Variants in CCDC82 observed in about 807,000 individuals in gnomAD.
CCDC82 encodes coiled-coil domain-containing protein 82.
Under a neutral mutation model 60.6 loss-of-function variants are expected in CCDC82, and 47 were observed. The ratio of observed to expected loss-of-function variants is 0.77; its 90% CI spans 0.61 to 0.99. The LOEUF (loss-of-function observed/expected upper bound fraction) is 0.99, where lower values mean the gene tolerates loss of function less well. Ranked by LOEUF, CCDC82 falls within the 50% of genes least tolerant of loss-of-function variation. CCDC82 has a pLI of 0.00. For missense variants in CCDC82, 588 were observed against 633.0 expected (o/e 0.93, Z 0.76); for synonymous variants, 212 against 207.4 (o/e 1.02, Z -0.19).
chr11:96,360,455 A>G (rs1416471603), intron 8 of CCDC82, among the ~76,000 whole-genome samples: 1 of 151,712 alleles, frequency 6.6e-6, no homozygotes, highest in Admixed American at 6.6e-5. Context: ...TCGGCCTCCC[A>G]AAGTGCTGGG....
intron 7 of CCDC82, among the ~76,000 whole-genome samples, chr11:96,367,156 AG>A (rs1179410032): frequency 6.6e-6 from 1 of 152,224 alleles, no homozygotes; most frequent in Admixed American, 6.5e-5. Context: ...AGGCTGGGGT[AG>A]CTGTGGCAAT....
intron 5 of CCDC82, among the ~76,000 whole-genome samples, chr11:96,379,732 TCA>T (rs2136184218): frequency 6.6e-6 from 1 of 152,042 alleles, no homozygotes; most frequent in Non-Finnish European, 1.5e-5. Flanking sequence ...TCTTAATCAT[TCA>T]GTTTTGTTCC....
At chr11:96,372,623 T>TATATATATATAAATATAA (rs199979129) in intron 6 of CCDC82, among the ~76,000 whole-genome samples, 2 of 146,052 alleles carry the variant, frequency 1.4e-5, no homozygotes, top group South Asian at 2.1e-4. Flanking sequence ...GAAATGGGGA[T>TATATATATATAAATATAA]ATATATATAT....
At chr11:96,383,234 C>A (rs1865973350) in intron 5 of CCDC82, 35 bp downstream of exon 5, 1 of 1,153,622 alleles carries the variant, frequency 8.7e-7, no homozygotes, top group African/African-American at 1.5e-5. Context: ...ATCATGAGAA[C>A]AATTCATGAA....
chr11:96,380,495 A>G, intron 5 of CCDC82: 1 of 151,780 alleles, frequency 6.6e-6, no homozygotes, highest in East Asian at 1.9e-4. Context: ...ATTTACCTAA[A>G]TGAGTTGAAA....
At chr11:96,380,377 T>C (rs1865810030) in intron 5 of CCDC82, among the ~76,000 whole-genome samples, 1 of 151,694 alleles carries the variant, frequency 6.6e-6, no homozygotes. Flanking sequence ...AAGCTGTAAT[T>C]AAGAATACAC....
intron 9 of CCDC82, chr11:96,356,468 T>C (rs1221283228): frequency 1.0e-6 from 1 of 985,314 alleles, no homozygotes; most frequent in Admixed American, 6.1e-5. Context: ...CATGCTTTCT[T>C]TACTACCTGG....
chr11:96,366,653 G>A (rs1458630574), intron 7 of CCDC82, among the ~76,000 whole-genome samples: 1 of 152,236 alleles, frequency 6.6e-6, no homozygotes, highest in East Asian at 1.9e-4. Flanking sequence ...AAACTCAGGA[G>A]GCTGAGGTGG....
chr11:96,384,570 TTTCATCACTATCAAGCTC>T lies in CCDC82; in HGVS notation c.160_177del (p.Glu54_Glu59del), dbSNP rs775411743. 2 of 1,613,676 alleles carry T rather than the reference TTTCATCACTATCAAGCTC, an allele frequency of 1.2e-6. No homozygotes were observed. Among genetic ancestry groups the T allele is most frequent in the Admixed American group, 1.7e-5 (1 of 59,976 alleles). The stretch of plus-strand genomic sequence containing the variant: ...TCAAGCTCTTCATCATTTTCAAAAC[TTTCATCACTATCAAGCTC>T]TTCATCACTATCAAATTCTTCACTA... On this transcript the variant is annotated inframe_deletion, in exon 4 of 10. Coordinates refer to ENST00000646818, the MANE Select transcript of CCDC82 (RefSeq NM_024725.4).
intron 9 of CCDC82, chr11:96,358,381 C>A: frequency 8.2e-7 from 1 of 1,222,888 alleles, no homozygotes; most frequent in Non-Finnish European, 1.0e-6. Flanking sequence ...ATCCAGTGCA[C>A]TCTTCAAAAC....
intron 2 of CCDC82, 136 bp from the exon 3 acceptor site, chr11:96,386,429 A>C (rs1866198789): frequency 6.6e-6 from 1 of 152,226 alleles, no homozygotes. Context: ...ATTATACAGC[A>C]GAAATTATAG....
At chr11:96,361,031 A>T (rs1332378170) in intron 8 of CCDC82, among the ~76,000 whole-genome samples, 2 of 152,230 alleles carry the variant, frequency 1.3e-5, no homozygotes, top group South Asian at 2.1e-4. Flanking sequence ...TTTCCAATTC[A>T]ACCTTATCAT....
At chr11:96,372,784 TATG>T (rs10594122) in intron 6 of CCDC82, among the ~76,000 whole-genome samples, 2,922 of 148,076 alleles carry the variant, frequency 0.02, 87 homozygotes, top group African/African-American at 0.069. Flanking sequence ...GCTCCCACAC[TATG>T]ATAAGGGAAG....
In CCDC82 at chr11:96,376,360, C is replaced by T. The variant is rs528037866; in HGVS notation, c.992-2893G>A. ...CCTTTCAGAAACATGCTTGTCTCTC[C>T]GCTTATCCATGTTTTCTGTTCTGTT... On this transcript the variant is annotated intron_variant, in intron 5 of 9. Coordinates refer to ENST00000646818, the MANE Select transcript of CCDC82 (RefSeq NM_024725.4). Among the ~76,000 whole-genome samples, 8 of 152,050 alleles carry T rather than the reference C, an allele frequency of 5.3e-5. No homozygotes were observed. In the East Asian group the frequency reaches 1.4e-3, roughly 26 times the overall value.
intron 9 of CCDC82, chr11:96,358,592 T>G: frequency 8.1e-7 from 1 of 1,235,378 alleles, no homozygotes; most frequent in Middle Eastern, 3.1e-4. Flanking sequence ...ACCAGGTGCT[T>G]CTTCACTCTC....
intron 8 of CCDC82, among the ~76,000 whole-genome samples, chr11:96,361,154 T>C (rs1381372852): frequency 2.6e-5 from 4 of 152,198 alleles, no homozygotes; most frequent in Non-Finnish European, 5.9e-5. Flanking sequence ...CCTGTGTGTC[T>C]CCATTTCTGC....
At chr11:96,371,451 G>A (rs562252276) in intron 6 of CCDC82, among the ~76,000 whole-genome samples, 1 of 151,972 alleles carries the variant, frequency 6.6e-6, no homozygotes, top group African/African-American at 2.4e-5. Flanking sequence ...GCGTGGTAGC[G>A]GGCACCTGTA....
intron 7 of CCDC82, among the ~76,000 whole-genome samples, chr11:96,369,698 C>T (rs1865156504): frequency 6.6e-6 from 1 of 152,142 alleles, no homozygotes; most frequent in Admixed American, 6.5e-5. Context: ...GTTTGAAATA[C>T]TGCAATAATT....
At chr11:96,383,494 G>GC in intron 4 of CCDC82, 21 bp from the exon 5 acceptor site, 1 of 1,494,074 alleles carries the variant, frequency 6.7e-7, no homozygotes. Context: ...TAAAATAAAT[G>GC]CTTCAGTAAA....
Sources: gnomAD v4.1 joint callset for allele counts (sites outside exome capture counted in the v4.1 genomes callset) on GRCh38, gnomAD v4.1.1 for gene constraint, MANE v1.5 for transcripts, NCBI Gene and HGNC (gene_info 2026-07-23, HGNC 2026-07-21) for gene names.